NOP53: variants seen among roughly 807,000 people sequenced by gnomAD.
NOP53 encodes the protein NOP53 ribosome biogenesis factor.
In NOP53, 40 loss-of-function variants were observed where a neutral mutation model predicts 61.0. The ratio of observed to expected loss-of-function variants is 0.66; its 90% CI spans 0.51 to 0.85. The LOEUF is 0.85. Among genes scored for constraint, NOP53 ranks in the 40% least tolerant of loss-of-function variants. NOP53 has a pLI of 0.00. For missense variants in NOP53, 689 were observed against 652.9 expected (o/e 1.06, Z -0.60); for synonymous variants, 308 against 289.5 (o/e 1.06, Z -0.65).
chr19:47,749,022 G>A (rs1157305040), intron 2 of NOP53, among the ~76,000 whole-genome samples: 5 of 151,876 alleles, frequency 3.3e-5, no homozygotes, highest in South Asian at 2.1e-4. Context: ...TTAGCCGAGC[G>A]TGGTGGCGCA....
chr19:47,755,278 C>T (rs1257841935), intron 8 of NOP53, 70 bp from the exon 9 acceptor site: 9 of 1,084,466 alleles, frequency 8.3e-6, no homozygotes, highest in Admixed American at 3.4e-5. Flanking sequence ...GGAAGGCTCC[C>T]TGTGTAGAGA....
At chr19:47,746,100 G>A (rs1169126031) in intron 1 of NOP53, 6 of 358,278 alleles carry the variant, frequency 1.7e-5, no homozygotes, top group African/African-American at 4.2e-5. Context: ...TTCTAAATAT[G>A]TGTGTGTGTG....
In NOP53 at chr19:47,750,274, C is replaced by T. The variant is rs1275121716; in HGVS notation, c.386C>T (p.Pro129Leu). 6.3e-7 allele frequency: 1 copy of T among 1,598,376 alleles called. No individual in the cohort carries two copies. The highest frequency in any genetic ancestry group is 8.6e-7 in the Non-Finnish European group (1 of 1,165,698). Residue 129 changes from proline to leucine, a missense_variant, in exon 3 of 13, where the codon CCT (proline) becomes CTT (leucine). Pro to Leu is a moderately conservative substitution (Grantham distance 98). Transcript: ENST00000246802. ...ATCCTCGAGAACACATCCAAAGTCC[C>T]TGCCCCCAAAGAGTGAGTGTCCCAG... ...DLILENTSKV[P>L]APKDVLAHQV...
In NOP53 at chr19:47,756,288, G is replaced by A. The variant is rs1016876161; in HGVS notation, c.1297-240G>A. On this transcript the variant is annotated intron_variant, in intron 10 of 12. Coordinates refer to ENST00000246802, the MANE Select transcript of NOP53 (RefSeq NM_015710.5). Reference sequence around the variant, plus strand: ...CTTTGCCCTCGCTGTCCCCTTTTCTGTGTCGTCACCAGCCCACTTCCCGTG... The same window carrying A: ...CTTTGCCCTCGCTGTCCCCTTTTCTATGTCGTCACCAGCCCACTTCCCGTG... 6.9e-6 allele frequency: 4 copies of A among 578,290 alleles called. No individual in the cohort carries two copies. In the African/African-American group the frequency reaches 7.5e-5, roughly 11 times the overall value. The allele number at this position is 578,290 out of a possible 1,614,324, so 35.8% of individuals were successfully genotyped here.
rs1967069443 is a variant in NOP53, at chr19:47,746,756, G to T, written c.225-211G>T. On this transcript the variant is annotated intron_variant, in intron 1 of 12. Transcript: ENST00000246802. ...GACCTCAGGTGAGCCACCCGCCTGGGCCTCCCAAAGTGCTGGGATTACAGG... is the reference window on the plus strand; with the variant it reads ...GACCTCAGGTGAGCCACCCGCCTGGTCCTCCCAAAGTGCTGGGATTACAGG... 1.5e-5 allele frequency: 7 copies of T among 454,984 alleles called. No individual in the cohort carries two copies. In the South Asian group the frequency reaches 1.9e-4, roughly 12 times the overall value. The allele number at this position is 454,984 out of a possible 1,614,324, so 28.2% of individuals were successfully genotyped here.
At position 47,751,452 on chromosome 19, in the gene NOP53, G is replaced by T. The variant is rs112625343; in HGVS notation, c.599-68G>T. On this transcript the variant is annotated intron_variant, in intron 4 of 12. Coordinates refer to ENST00000246802, the MANE Select transcript of NOP53 (RefSeq NM_015710.5). The stretch of plus-strand genomic sequence containing the variant: ...CACCTTTTTGAAATGTGGAGGGATT[G>T]GGGGGGAGCCTTTGGTGCCTCTTCC... The T allele has an allele frequency of 1.6e-5, 19 of 1,202,074 alleles. No individual in the cohort carries two copies. The Admixed American group carries it at 1.7e-4, about 11-fold the overall frequency. The allele number at this position is 1,202,074 out of a possible 1,614,324, so 74.5% of individuals were successfully genotyped here.
At chr19:47,752,479 C>T (rs369923701) in intron 5 of NOP53, 33 bp from the exon 6 acceptor site, 167 of 1,366,886 alleles carry the variant, frequency 1.2e-4, no homozygotes, top group Admixed American at 5.9e-4. Context: ...CCCCAACGCA[C>T]GGCCTTACCC....
intron 4 of NOP53, 154 bp downstream of exon 4, chr19:47,751,261 C>G (rs947905665): frequency 3.1e-5 from 23 of 731,024 alleles, no homozygotes; most frequent in Middle Eastern, 7.3e-4. Flanking sequence ...AAGGGGCGGC[C>G]GTTTCCCACT....
chr19:47,749,391 G>A (rs1967098853), intron 2 of NOP53, among the ~76,000 whole-genome samples: 2 of 152,152 alleles, frequency 1.3e-5, no homozygotes, highest in South Asian at 2.1e-4. Context: ...GTGGTTGTGA[G>A]CAGTCAACCA....
chr19:47,745,730 G>A lies in NOP53; in HGVS notation c.171G>A (p.Gly57=), dbSNP rs750121659. 1.5e-5 allele frequency: 24 copies of A among 1,607,866 alleles called. No individual in the cohort carries two copies. Among genetic ancestry groups the A allele is most frequent in the Non-Finnish European group, 2.0e-5 (23 of 1,177,168 alleles). The change falls in exon 1 of 13, where the codon GGG becomes GGA. Residue 57 remains glycine (G), a synonymous_variant. Transcript: ENST00000246802. ...GWRRLAQEPL[G]LEVDQFLEDV... ...GGCGGCTTGCTCAGGAGCCGCTGGG[G>A]CTGGAGGTTGACCAGTTCCTGGAAG...
chr19:47,756,313 G>T, intron 10 of NOP53: 1 of 588,632 alleles, frequency 1.7e-6, no homozygotes. Flanking sequence ...CACTTCCCGT[G>T]ACTCCTCTAA....
intron 8 of NOP53, 140 bp downstream of exon 8, chr19:47,755,031 G>C: frequency 6.3e-6 from 5 of 799,420 alleles, no homozygotes; most frequent in Non-Finnish European, 9.3e-6. Context: ...GGCTGTTTGG[G>C]ATCCTCACAG....
chr19:47,754,994 C>G lies in NOP53; in HGVS notation c.1053+103C>G. On this transcript the variant is annotated intron_variant, in intron 8 of 12. Transcript: ENST00000246802. The surrounding 1 kb of genome is among the most constrained non-coding windows in gnomAD (Gnocchi z 4.2). ...GGTGCTGCGGGCAGCCTGCACACCC[C>G]AAGCCCCGCATGTGGCCTGTGGTTT... 1 of 1,080,888 alleles carries G rather than the reference C, an allele frequency of 9.3e-7. No homozygotes were observed. Among genetic ancestry groups the G allele is most frequent in the South Asian group, 1.7e-5 (1 of 58,324 alleles). The allele number at this position is 1,080,888 out of a possible 1,614,324, so 67.0% of individuals were successfully genotyped here.
Position 47,745,668 on chromosome 19 carries a change from C to G in NOP53, c.109C>G (p.Arg37Gly), listed in dbSNP as rs144346550. The part of the protein sequence containing the change: ...PTSVDPALRR[R>G]RRGPRNKKRG... Reference sequence around the variant, plus strand: ...TTCGGTGGACCCAGCGCTGAGGCGGCGGCGGCGAGGCCCAAGAAATAAGAA... The same window carrying G: ...TTCGGTGGACCCAGCGCTGAGGCGGGGGCGGCGAGGCCCAAGAAATAAGAA... The change falls in exon 1 of 13, where the codon CGG becomes GGG. Residue 37 changes from arginine to glycine, a missense_variant. Arg to Gly is a moderately radical substitution (Grantham distance 125, BLOSUM62 -2). Transcript: ENST00000246802. 1.9e-6 allele frequency: 3 copies of G among 1,613,392 alleles called. No homozygotes were observed. The African/African-American group carries it at 4.0e-5, about 22-fold the overall frequency.
intron 2 of NOP53, among the ~76,000 whole-genome samples, chr19:47,749,819 G>C (rs1301959650): frequency 6.6e-6 from 1 of 151,968 alleles, no homozygotes; most frequent in Non-Finnish European, 1.5e-5. Flanking sequence ...GGGCTCAAGC[G>C]ATCCTCCCAC....
intron 6 of NOP53, chr19:47,753,057 G>A (rs900354931): frequency 1.8e-5 from 3 of 166,170 alleles, no homozygotes; most frequent in Admixed American, 1.2e-4. Context: ...ATATATGGGC[G>A]AGGCTAGCTC....
intron 2 of NOP53, among the ~76,000 whole-genome samples, chr19:47,749,554 A>G (rs1967100646): frequency 6.6e-6 from 1 of 151,932 alleles, no homozygotes; most frequent in South Asian, 2.1e-4. Flanking sequence ...TCCATTCTAG[A>G]GTGTTTTGCT....
At chr19:47,747,596 C>G (rs546253456) in intron 2 of NOP53, among the ~76,000 whole-genome samples, 2 of 149,554 alleles carry the variant, frequency 1.3e-5, no homozygotes, top group Non-Finnish European at 3.0e-5. Flanking sequence ...GAGCCGAGAT[C>G]GCGCCGCTGA....
chr19:47,751,561 C>T lies in NOP53; in HGVS notation c.640C>T (p.Leu214=). ...RPLVGQDEFF[L]EQTKKKGVKR... ...GTTGGTTGGCCAGGATGAGTTTTTC[C>T]TGGAGCAGACCAAGAAGAAAGGAGT... The change falls in exon 5 of 13, where the codon CTG becomes TTG. Residue 214 remains leucine (L), a synonymous_variant. Coordinates refer to ENST00000246802, the MANE Select transcript of NOP53 (RefSeq NM_015710.5). 6.2e-7 allele frequency: 1 copy of T among 1,613,974 alleles called. No individual in the cohort carries two copies. The highest frequency in any genetic ancestry group is 8.5e-7 in the Non-Finnish European group (1 of 1,179,968).
Sources: gnomAD v4.1 joint callset for allele counts (sites outside exome capture counted in the v4.1 genomes callset) on GRCh38, gnomAD v4.1.1 for gene constraint, Gnocchi (gnomAD v3.1) non-coding constraint, MANE v1.5 for transcripts, NCBI Gene and HGNC (gene_info 2026-07-23, HGNC 2026-07-21) for gene names.